TCF7L1: variants seen among roughly 807,000 people sequenced by gnomAD.
TCF7L1 encodes transcription factor 7 like 1.
Under a neutral mutation model 63.7 loss-of-function variants are expected in TCF7L1, and 18 were observed. The observed-to-expected ratio is 0.28, with a 90% confidence interval of 0.20 to 0.42. The LOEUF (loss-of-function observed/expected upper bound fraction) is 0.42, where lower values mean the gene tolerates loss of function less well. Among genes scored for constraint, TCF7L1 ranks in the 10% least tolerant of loss-of-function variants. TCF7L1 has a pLI of 1.00. For missense variants in TCF7L1, 654 were observed against 779.3 expected (o/e 0.84, Z 1.91); for synonymous variants, 355 against 340.9 (o/e 1.04, Z -0.46).
At chr2:85,210,851 C>T (rs1438168789) in intron 3 of TCF7L1, among the ~76,000 whole-genome samples, 1 of 152,218 alleles carries the variant, frequency 6.6e-6, no homozygotes, top group Middle Eastern at 3.2e-3. Context: ...CTCATTACCT[C>T]CACATGCAGG....
intron 3 of TCF7L1, among the ~76,000 whole-genome samples, chr2:85,184,907 CAA>C (rs1184526468): frequency 6.6e-6 from 1 of 151,960 alleles, no homozygotes; most frequent in Non-Finnish European, 1.5e-5. Flanking sequence ...CCTTACAAGG[CAA>C]AGACTCTTAG....
Position 85,223,449 on chromosome 2 carries a change from C to G in TCF7L1, c.442-60046C>G, listed in dbSNP as rs143770271. Among the ~76,000 whole-genome samples the G allele has an allele frequency of 2.7e-3, 418 of 152,230 alleles. 1 individual carries two copies. Among genetic ancestry groups the G allele is most frequent in the African/African-American group, 9.7e-3 (402 of 41,548 alleles). ...GAGTGTTTGGTGGATGGTTGAGTGT[C>G]TGAGCAGGACCCCACAGCCAAGGGG... On this transcript the variant is annotated intron_variant, in intron 3 of 11. Transcript: ENST00000282111.
chr2:85,151,086 C>T (rs1678004141), intron 3 of TCF7L1, among the ~76,000 whole-genome samples: 1 of 152,084 alleles, frequency 6.6e-6, no homozygotes, highest in Non-Finnish European at 1.5e-5. Context: ...TTTATTTTCT[C>T]TGAAGCTTTT....
chr2:85,150,279 G>C (rs1195776134), intron 3 of TCF7L1, among the ~76,000 whole-genome samples: 1 of 151,122 alleles, frequency 6.6e-6, no homozygotes, highest in South Asian at 2.1e-4. Context: ...TGTCGCCCGG[G>C]CTGGAGTGCA....
chr2:85,192,024 A>C (rs577780926), intron 3 of TCF7L1, among the ~76,000 whole-genome samples: 223 of 152,228 alleles, frequency 1.5e-3, no homozygotes, highest in Non-Finnish European at 2.6e-3. Context: ...ATGGTCCCAG[A>C]ATCCATTTGT....
chr2:85,179,266 CT>C (rs1210075361), intron 3 of TCF7L1, among the ~76,000 whole-genome samples: 3 of 152,178 alleles, frequency 2.0e-5, no homozygotes, highest in Admixed American at 6.5e-5. Context: ...AGAACAGTTT[CT>C]TGTTTCCCTT....
chr2:85,275,919 CAA>C (rs10657618), intron 3 of TCF7L1, among the ~76,000 whole-genome samples: 1 of 106,812 alleles, frequency 9.4e-6, no homozygotes. Flanking sequence ...GACTCCATCT[CAA>C]AAAAAAAAAA....
Position 85,133,834 on chromosome 2 carries a change from G to A in TCF7L1, c.150G>A (p.Glu50=), listed in dbSNP as rs1403404006. 4 of 1,501,608 alleles carry A rather than the reference G, an allele frequency of 2.7e-6. No homozygotes were observed. The East Asian group carries it at 8.3e-5, about 31-fold the overall frequency. The allele number at this position is 1,501,608 out of a possible 1,614,324, so 93.0% of individuals were successfully genotyped here. A position where few individuals can be genotyped will look rare whatever the true frequency, so the allele number is the denominator to read the frequency against. ...AGGACGAGGGGGGCGAGGAGCAGGAGCCGAGCAGCGATAGCGCCTCGGCGC... is the reference window on the plus strand; with the variant it reads ...AGGACGAGGGGGGCGAGGAGCAGGAACCGAGCAGCGATAGCGCCTCGGCGC... ...PFQDEGGEEQ[E]PSSDSASAQR... is the part of the protein sequence containing the mutation. Residue 50 remains glutamate (E), a synonymous_variant, in exon 1 of 12, where the codon GAG becomes GAA. Coordinates refer to ENST00000282111, the MANE Select transcript of TCF7L1 (RefSeq NM_031283.3). The surrounding 1 kb of genome is among the most constrained non-coding windows in gnomAD (Gnocchi z 4.4).
At chr2:85,212,087 CTCAAAAAA>C in intron 3 of TCF7L1, among the ~76,000 whole-genome samples, 1 of 34,134 alleles carries the variant, frequency 2.9e-5, no homozygotes, top group African/African-American at 1.2e-4. Flanking sequence ...AAGACTCCAT[CTCAAAAAA>C]AAAAAAAAAA....
intron 3 of TCF7L1, among the ~76,000 whole-genome samples, chr2:85,140,373 TAGG>T (rs986105300): frequency 1.3e-5 from 2 of 151,674 alleles, no homozygotes; most frequent in African/African-American, 2.4e-5. Flanking sequence ...GGTATAGAAG[TAGG>T]AGAAGGGATG....
At chr2:85,162,747 G>C (rs1421627020) in intron 3 of TCF7L1, among the ~76,000 whole-genome samples, 1 of 152,146 alleles carries the variant, frequency 6.6e-6, no homozygotes, top group Non-Finnish European at 1.5e-5. Flanking sequence ...CTGTCAGTTT[G>C]TTTCTGGAAT....
At chr2:85,141,595 G>A (rs1162566777) in intron 3 of TCF7L1, among the ~76,000 whole-genome samples, 1 of 152,218 alleles carries the variant, frequency 6.6e-6, no homozygotes, top group African/African-American at 2.4e-5. Flanking sequence ...AAAGGGAGGA[G>A]CCGCAAGTTT....
chr2:85,309,326 G>A lies in TCF7L1; in HGVS notation c.1631G>A (p.Arg544Gln), dbSNP rs373095963. 46 of 1,612,416 alleles carry A rather than the reference G, an allele frequency of 2.9e-5. No homozygotes were observed. Among genetic ancestry groups the A allele is most frequent in the African/African-American group, 6.7e-5 (5 of 74,748 alleles). ...GGCAGCCAGCCTCCCCTCCTGTCCC[G>A]GCCCCTCCCCCTTGGGTCCATGCCC... ...QMGSQPPLLS[R>Q]PLPLGSMPTA... is the part of the protein sequence containing the mutation. The change falls in exon 12 of 12, where the codon CGG (arginine) becomes CAG (glutamine). Residue 544 changes from arginine to glutamine, a missense_variant. This residue lies in a region of TCF7L1 where 184 missense variants were observed against 204.0 expected (regional missense o/e 0.90). Coordinates refer to ENST00000282111, the MANE Select transcript of TCF7L1 (RefSeq NM_031283.3).
chr2:85,282,673 C>T (rs546508970), intron 3 of TCF7L1, among the ~76,000 whole-genome samples: 1 of 152,252 alleles, frequency 6.6e-6, no homozygotes, highest in Admixed American at 6.5e-5. Context: ...AGCCTGAACC[C>T]ATGAATGCAG....
At chr2:85,229,876 C>T (rs1051172127) in intron 3 of TCF7L1, among the ~76,000 whole-genome samples, 2 of 152,086 alleles carry the variant, frequency 1.3e-5, no homozygotes, top group African/African-American at 4.8e-5. Flanking sequence ...GACGTGGTGG[C>T]ACAGGCCTAG....
intron 3 of TCF7L1, among the ~76,000 whole-genome samples, chr2:85,205,668 A>T (rs1679391371): frequency 6.6e-6 from 1 of 151,924 alleles, no homozygotes; most frequent in Non-Finnish European, 1.5e-5. Flanking sequence ...AGTAGCTTGG[A>T]TTACAAGCCT....
intron 4 of TCF7L1, among the ~76,000 whole-genome samples, chr2:85,297,786 C>CA (rs989356659): frequency 1.3e-5 from 2 of 150,982 alleles, no homozygotes; most frequent in Admixed American, 1.3e-4. Context: ...ACTGTGTCTC[C>CA]AAAAAAAAGT....
chr2:85,309,402 C>T lies in TCF7L1; in HGVS notation c.1707C>T (p.His569=). Residue 569 remains histidine, a synonymous_variant, in exon 12 of 12, where the codon CAC becomes CAT. Coordinates refer to ENST00000282111, the MANE Select transcript of TCF7L1 (RefSeq NM_031283.3). The part of the protein sequence containing the change: ...PPSFPATLHA[H]QALPVLQAQP... ...CCTTCCCCGCCACGCTCCATGCCCA[C>T]CAGGCCCTCCCGGTGCTACAGGCCC... 6.3e-7 allele frequency: 1 copy of T among 1,587,016 alleles called. No homozygotes were observed. The highest frequency in any genetic ancestry group is 1.2e-5 in the South Asian group (1 of 86,694).
At chr2:85,140,485 CATGGTGGA>C (rs1230325542) in intron 3 of TCF7L1, among the ~76,000 whole-genome samples, 3 of 152,092 alleles carry the variant, frequency 2.0e-5, no homozygotes, top group African/African-American at 7.2e-5. Context: ...TCTTTTCCTC[CATGGTGGA>C]AGCTGGAGGG....
Sources: allele counts gnomAD v4.1 joint callset (sites outside exome capture counted in the v4.1 genomes callset), GRCh38; gene constraint gnomAD v4.1.1; regional missense constraint gnomAD v4.1.1; non-coding constraint Gnocchi (gnomAD v3.1); transcripts MANE v1.5; gene names NCBI Gene and HGNC (gene_info 2026-07-23, HGNC 2026-07-21).